The following MYOF variants were observed in gnomAD, a reference collection of about 807,000 sequenced individuals.
The protein encoded by MYOF is fer-1-like 3, myoferlin.
In MYOF, 244 loss-of-function variants were observed where a neutral mutation model predicts 284.2. That is an observed-to-expected ratio of 0.86 (90% confidence interval 0.77 to 0.95). The LOEUF is 0.95. Among genes scored for constraint, MYOF ranks in the 40% least tolerant of loss-of-function variants. MYOF has a pLI of 0.00. For missense variants in MYOF, 2,496 were observed against 2,560.6 expected (o/e 0.97, Z 0.54); for synonymous variants, 904 against 919.7 (o/e 0.98, Z 0.31).
intron 3 of MYOF, among the ~76,000 whole-genome samples, chr10:93,435,539 C>T (rs544013093): frequency 1.3e-5 from 2 of 152,336 alleles, no homozygotes; most frequent in African/African-American, 2.4e-5. Flanking sequence ...CCCAACTCTT[C>T]GTTATTTGCA....
At chr10:93,436,953 C>T (rs1388345789) in intron 3 of MYOF, among the ~76,000 whole-genome samples, 1 of 152,218 alleles carries the variant, frequency 6.6e-6, no homozygotes, top group Non-Finnish European at 1.5e-5. Flanking sequence ...AACACTAAAA[C>T]AGGACTACTG....
At chr10:93,317,865 T>C (rs4917735) in intron 49 of MYOF, among the ~76,000 whole-genome samples, 40,611 of 152,124 alleles carry the variant, frequency 0.27, 5,981 homozygotes, top group Non-Finnish European at 0.34. Context: ...TTCATGAATT[T>C]GAAGGAAGAT....
intron 1 of MYOF, among the ~76,000 whole-genome samples, chr10:93,461,373 G>A (rs181734104): frequency 2.6e-5 from 4 of 152,200 alleles, no homozygotes; most frequent in Non-Finnish European, 5.9e-5. Flanking sequence ...CCAAGACATG[G>A]TTCCTGCCCT....
Position 93,399,462 on chromosome 10 carries a change from A to C in MYOF, c.1151T>G (p.Ile384Arg). The C allele has an allele frequency of 6.2e-7, 1 of 1,613,642 alleles. No homozygotes were observed. The highest frequency in any genetic ancestry group is 8.5e-7 in the Non-Finnish European group (1 of 1,179,752). Reference protein sequence around the residue: ...DDAFSQTVKEIFGGNADKKNL... With the variant: ...DDAFSQTVKERFGGNADKKNL... ...TTTCTTATCTGCATTGCCTCCAAAT[A>C]TTTCCTTTACTGTCTGTGAGAAGGC... The change falls in exon 13 of 54, where the codon ATA (isoleucine) becomes AGA (arginine). Residue 384 changes from isoleucine to arginine, a missense_variant. This residue lies in a region of MYOF where 2,436 missense variants were observed against 2,480.7 expected (regional missense o/e 0.98). Transcript: ENST00000359263.
intron 11 of MYOF, among the ~76,000 whole-genome samples, chr10:93,401,787 CTGTGCGTGTGTG>C (rs1382490377): frequency 1.2e-5 from 1 of 83,480 alleles, no homozygotes; most frequent in Non-Finnish European, 2.4e-5. Flanking sequence ...TAGTAAGAGC[CTGTGCGTGTGTG>C]TGTGTGTGTG....
chr10:93,478,637 C>T (rs1193358070), intron 1 of MYOF, among the ~76,000 whole-genome samples: 1 of 149,336 alleles, frequency 6.7e-6, no homozygotes, highest in African/African-American at 2.5e-5. Context: ...TCAAGGCCAG[C>T]TTGAGAAACA....
In MYOF at chr10:93,405,369, T is replaced by A. The variant is rs1847506621; in HGVS notation, c.730-1150A>T. Among the ~76,000 whole-genome samples the A allele has an allele frequency of 1.3e-5, 2 of 152,220 alleles. 1 individual carries two copies. Among genetic ancestry groups the A allele is most frequent in the South Asian group, 4.1e-4 (2 of 4,836 alleles). On this transcript the variant is annotated intron_variant, in intron 7 of 53. Coordinates refer to ENST00000359263, the MANE Select transcript of MYOF (RefSeq NM_013451.4). ...TGCAAGAATCATACGTTGCATTTCGTTTTTGAGTCTCTTCAGCTTCCAAAA... is the reference window on the plus strand; with the variant it reads ...TGCAAGAATCATACGTTGCATTTCGATTTTGAGTCTCTTCAGCTTCCAAAA...
At chr10:93,321,101 TC>T (rs770035861) in intron 48 of MYOF, among the ~76,000 whole-genome samples, 3 of 152,136 alleles carry the variant, frequency 2.0e-5, no homozygotes, top group Non-Finnish European at 4.4e-5. Context: ...ATTTTATTCT[TC>T]CCAACAACTG....
At chr10:93,373,169 C>A (rs1269279363) in intron 23 of MYOF, 84 bp from the exon 24 acceptor site, 18 of 1,507,980 alleles carry the variant, frequency 1.2e-5, no homozygotes, top group Non-Finnish European at 1.5e-5. Flanking sequence ...CAGGCTGGAC[C>A]CTCAGGGATT....
chr10:93,350,132 C>A (rs1001077894), intron 35 of MYOF, among the ~76,000 whole-genome samples, 163 bp from the exon 36 acceptor site: 1 of 152,146 alleles, frequency 6.6e-6, no homozygotes, highest in Non-Finnish European at 1.5e-5. Flanking sequence ...TTGCCCCTTT[C>A]TTTCTCCTGC....
intron 38 of MYOF, among the ~76,000 whole-genome samples, chr10:93,340,700 C>T (rs1375925313): frequency 6.6e-6 from 1 of 152,190 alleles, no homozygotes; most frequent in Non-Finnish European, 1.5e-5. Flanking sequence ...AAATACTCAT[C>T]CATCAAAACT....
chr10:93,481,319 G>A (rs1299389490), intron 1 of MYOF, among the ~76,000 whole-genome samples: 1 of 152,114 alleles, frequency 6.6e-6, no homozygotes, highest in Non-Finnish European at 1.5e-5. Context: ...TCCTGCCTTG[G>A]CCTCCCAAAG....
At chr10:93,434,664 T>C (rs929710088) in intron 3 of MYOF, among the ~76,000 whole-genome samples, 6 of 152,180 alleles carry the variant, frequency 3.9e-5, no homozygotes, top group African/African-American at 1.4e-4. Context: ...TTTATTGTTA[T>C]TATTTTTTTC....
intron 7 of MYOF, 49 bp downstream of exon 7, chr10:93,408,738 C>G (rs117227653): frequency 0.014 from 22,616 of 1,611,106 alleles, 228 homozygotes; most frequent in Non-Finnish European, 0.017. Flanking sequence ...CCGTGTTTCC[C>G]TCCCCAGTGG....
At chr10:93,373,360 A>G (rs1452804278) in intron 23 of MYOF, among the ~76,000 whole-genome samples, 2 of 152,180 alleles carry the variant, frequency 1.3e-5, no homozygotes, top group African/African-American at 2.4e-5. Flanking sequence ...TCTGGGAGGT[A>G]TCTTAGAAAA....
chr10:93,343,014 C>A (rs1843996302), intron 38 of MYOF, among the ~76,000 whole-genome samples: 1 of 151,552 alleles, frequency 6.6e-6, no homozygotes, highest in Non-Finnish European at 1.5e-5. Context: ...TTATATGGTC[C>A]AGTTGTTAGT....
At chr10:93,447,086 C>A (rs1288674797) in intron 3 of MYOF, among the ~76,000 whole-genome samples, 2 of 152,132 alleles carry the variant, frequency 1.3e-5, no homozygotes, top group Non-Finnish European at 2.9e-5. Flanking sequence ...ATGCATGGTG[C>A]CCCTGAACCT....
intron 5 of MYOF, among the ~76,000 whole-genome samples, chr10:93,416,902 C>T (rs897435779): frequency 6.6e-6 from 1 of 152,074 alleles, no homozygotes; most frequent in Admixed American, 6.6e-5. Context: ...CCGGCCATGA[C>T]CAGGCCATTT....
intron 43 of MYOF, among the ~76,000 whole-genome samples, chr10:93,331,255 G>A (rs1843284842): frequency 6.6e-6 from 1 of 152,150 alleles, no homozygotes; most frequent in Non-Finnish European, 1.5e-5. Context: ...AAGAGTCTCT[G>A]CGGAGAAGAA....
Sources: allele counts gnomAD v4.1 joint callset (sites outside exome capture counted in the v4.1 genomes callset), GRCh38; gene constraint gnomAD v4.1.1; regional missense constraint gnomAD v4.1.1; transcripts MANE v1.5; gene names NCBI Gene and HGNC (gene_info 2026-07-23, HGNC 2026-07-21).